KCTD16: variants seen among roughly 807,000 people sequenced by gnomAD.
KCTD16 encodes the protein potassium channel tetramerization domain containing 16.
A neutral mutation model predicts 33.2 loss-of-function variants in KCTD16; 13 were observed. That is an observed-to-expected ratio of 0.39 (90% CI 0.25 to 0.62). The LOEUF is 0.62. Among genes scored for constraint, KCTD16 ranks in the 20% least tolerant of loss-of-function variants. The probability of loss-of-function intolerance (pLI) is 0.50; values close to 1 mark genes in which losing one functional copy is unlikely to be tolerated. For synonymous variants in KCTD16, 197 were observed against 195.3 expected, an observed-to-expected ratio of 1.01 and a Z score of -0.07; for missense variants, 441 against 525.1, an observed-to-expected ratio of 0.84 and a Z score of 1.57.
chr5:144,222,597 A>G (rs1753794481), intron 3 of KCTD16, among the ~76,000 whole-genome samples: 1 of 152,250 alleles, frequency 6.6e-6, no homozygotes, highest in Non-Finnish European at 1.5e-5. Flanking sequence ...ATGAGATACC[A>G]TCTCACACCA....
intron 3 of KCTD16, among the ~76,000 whole-genome samples, chr5:144,253,710 T>A (rs1754766173): frequency 1.3e-5 from 2 of 152,102 alleles, no homozygotes; most frequent in Admixed American, 1.3e-4. Flanking sequence ...GAGAGAGACT[T>A]AAAAGAAGCA....
chr5:144,178,148 G>A (rs1201377925), intron 2 of KCTD16, among the ~76,000 whole-genome samples: 1 of 152,180 alleles, frequency 6.6e-6, no homozygotes, highest in East Asian at 1.9e-4. Context: ...CTGAAACAAA[G>A]TAAGAGGCCA....
chr5:144,414,970 T>C (rs1204938804), intron 3 of KCTD16, among the ~76,000 whole-genome samples: 2 of 152,184 alleles, frequency 1.3e-5, no homozygotes. Context: ...CTATTGGCAA[T>C]GGTCTTAGTC....
intron 3 of KCTD16, among the ~76,000 whole-genome samples, chr5:144,360,264 C>T (rs868404498): frequency 2.0e-5 from 3 of 152,064 alleles, no homozygotes; most frequent in African/African-American, 4.8e-5. Flanking sequence ...TCCTACCCCC[C>T]AAGAGGCCCC....
At chr5:144,212,279 G>A (rs1476756667) in intron 3 of KCTD16, among the ~76,000 whole-genome samples, 1 of 152,174 alleles carries the variant, frequency 6.6e-6, no homozygotes, top group Non-Finnish European at 1.5e-5. Context: ...TGTTAGTGAA[G>A]TATTTTATTA....
At chr5:144,434,856 T>A (rs1753540839) in intron 3 of KCTD16, among the ~76,000 whole-genome samples, 2 of 152,138 alleles carry the variant, frequency 1.3e-5, no homozygotes, top group African/African-American at 2.4e-5. Flanking sequence ...AGCCAAGGAA[T>A]CACTGGTCTT....
At chr5:144,357,441 A>C (rs540532768) in intron 3 of KCTD16, among the ~76,000 whole-genome samples, 7 of 152,292 alleles carry the variant, frequency 4.6e-5, no homozygotes, top group African/African-American at 1.2e-4. Flanking sequence ...CCTTTCTTGA[A>C]ATCTGGAGTC....
chr5:144,393,154 A>G (rs79198936), intron 3 of KCTD16, among the ~76,000 whole-genome samples: 4,931 of 152,252 alleles, frequency 0.032, 275 homozygotes, highest in African/African-American at 0.11. Flanking sequence ...TGTTGGTAGA[A>G]CTATAGCTCA....
intron 3 of KCTD16, among the ~76,000 whole-genome samples, chr5:144,453,872 C>T (rs1180829491): frequency 6.6e-6 from 1 of 152,082 alleles, no homozygotes; most frequent in Non-Finnish European, 1.5e-5. Flanking sequence ...GATGTACCAA[C>T]CCTTTGTAAT....
Position 144,320,347 on chromosome 5 carries a change from G to T in KCTD16, c.832+112801G>T, listed in dbSNP as rs1404737899. On this transcript the variant is annotated intron_variant, in intron 3 of 3. Coordinates refer to ENST00000512467, the MANE Select transcript of KCTD16 (RefSeq NM_020768.4). ...TTAAAATTATAAATTCTTAGCAAGT[G>T]CCTAAGCCTGCCCTCTGTGACTGCG... Among the ~76,000 whole-genome samples, 3 of 152,128 alleles carry T rather than the reference G, an allele frequency of 2.0e-5. 1 individual carries two copies. Among genetic ancestry groups the T allele is most frequent in the Admixed American group, 2.0e-4 (3 of 15,262 alleles).
At chr5:144,278,818 T>C (rs1323059116) in intron 3 of KCTD16, among the ~76,000 whole-genome samples, 1 of 152,148 alleles carries the variant, frequency 6.6e-6, no homozygotes, top group Non-Finnish European at 1.5e-5. Flanking sequence ...TATTAAAAAA[T>C]TAGAAACAGC....
At chr5:144,345,790 A>G (rs1392457722) in intron 3 of KCTD16, among the ~76,000 whole-genome samples, 1 of 152,178 alleles carries the variant, frequency 6.6e-6, no homozygotes, top group Non-Finnish European at 1.5e-5. Flanking sequence ...GCAATGTGAA[A>G]TAGGTACATC....
intron 3 of KCTD16, among the ~76,000 whole-genome samples, chr5:144,297,452 C>A (rs776865596): frequency 6.6e-6 from 1 of 152,188 alleles, no homozygotes; most frequent in Non-Finnish European, 1.5e-5. Flanking sequence ...TCCTTATAGT[C>A]CCAAGTTGGC....
chr5:144,425,139 A>G (rs185747475), intron 3 of KCTD16, among the ~76,000 whole-genome samples: 4 of 152,270 alleles, frequency 2.6e-5, no homozygotes, highest in African/African-American at 9.6e-5. Context: ...GAAATACAAT[A>G]GTAGATCAGG....
chr5:144,253,650 G>A (rs965144788), intron 3 of KCTD16, among the ~76,000 whole-genome samples: 6 of 152,074 alleles, frequency 3.9e-5, no homozygotes, highest in Admixed American at 2.0e-4. Flanking sequence ...AAAGAATACC[G>A]TTTTGGGCAC....
chr5:144,363,470 G>A (rs1478747886), intron 3 of KCTD16, among the ~76,000 whole-genome samples: 1 of 151,914 alleles, frequency 6.6e-6, no homozygotes, highest in East Asian at 1.9e-4. Context: ...TCTGCTTATG[G>A]TGGCCCCATT....
intron 2 of KCTD16, among the ~76,000 whole-genome samples, chr5:144,175,300 A>G (rs776148545): frequency 6.6e-6 from 1 of 152,210 alleles, no homozygotes; most frequent in Non-Finnish European, 1.5e-5. Flanking sequence ...AGTAGACTAG[A>G]CATTTTGAAC....
At chr5:144,194,424 T>C (rs1414467324) in intron 2 of KCTD16, among the ~76,000 whole-genome samples, 2 of 152,234 alleles carry the variant, frequency 1.3e-5, no homozygotes, top group Non-Finnish European at 2.9e-5. Flanking sequence ...GATTGCTCTG[T>C]TTCCTTCCCT....
chr5:144,345,530 C>T (rs1752772671), intron 3 of KCTD16, among the ~76,000 whole-genome samples: 1 of 151,760 alleles, frequency 6.6e-6, no homozygotes, highest in Non-Finnish European at 1.5e-5. Flanking sequence ...GAATGTAAAC[C>T]TTTTGGGTTT....
Sources: allele counts gnomAD v4.1 joint callset (sites outside exome capture counted in the v4.1 genomes callset), GRCh38; gene constraint gnomAD v4.1.1; transcripts MANE v1.5; gene names NCBI Gene and HGNC (gene_info 2026-07-23, HGNC 2026-07-21).